The following LZIC variants were observed in gnomAD, a reference collection of about 807,000 sequenced individuals.
LZIC encodes protein LZIC.
In LZIC, 28 loss-of-function variants were observed where a neutral mutation model predicts 25.4. That is an observed-to-expected ratio of 1.10 (90% CI 0.82 to 1.51). LZIC has a LOEUF of 1.51. Ranked by LOEUF, LZIC falls within the 40% of genes most tolerant of loss-of-function variation. The pLI is 0.00. For missense variants in LZIC, 170 were observed against 211.1 expected (o/e 0.81, Z 1.21); for synonymous variants, 65 against 70.7 (o/e 0.92, Z 0.40).
At chr1:9,942,501 A>G in intron 2 of LZIC, 123 bp downstream of exon 2, 1 of 334,786 alleles carries the variant, frequency 3.0e-6, no homozygotes, top group South Asian at 2.6e-5. Flanking sequence ...TTTATCCCCG[A>G]AAGATTAACT....
chr1:9,927,503 T>C lies in LZIC; in HGVS notation c.*2896A>G, dbSNP rs910223421. The stretch of plus-strand genomic sequence containing the variant: ...TTTTTTTAGAGACAGGGTTTCACCA[T>C]GTTGGCCAGGCTGGTCTCAAATCCT... On this transcript the variant is annotated 3_prime_UTR_variant, in exon 8 of 8. Coordinates refer to ENST00000377223, the MANE Select transcript of LZIC (RefSeq NM_032368.5). Among the ~76,000 whole-genome samples, 3 of 150,914 alleles carry C rather than the reference T, an allele frequency of 2.0e-5. No individual in the cohort carries two copies. The highest frequency in any genetic ancestry group is 7.3e-5 in the African/African-American group (3 of 40,978).
rs543674424 is a variant in LZIC, at chr1:9,926,330, A to AT, written c.*4068dup. On this transcript the variant is annotated 3_prime_UTR_variant, in exon 8 of 8. Transcript: ENST00000377223. ...GCTCTAGGCAAAATGGTCTGGGTTT[A>AT]TTTTTTTCTATAGTAATTTCAGATT... Among the ~76,000 whole-genome samples, 25 of 152,256 alleles carry AT rather than the reference A, an allele frequency of 1.6e-4. No individual in the cohort carries two copies. The East Asian group carries it at 4.2e-3, about 26-fold the overall frequency.
At chr1:9,940,085 C>G (rs562907057) in intron 2 of LZIC, among the ~76,000 whole-genome samples, 1 of 151,950 alleles carries the variant, frequency 6.6e-6, no homozygotes. Flanking sequence ...TGACACTGCA[C>G]TCCAGCCTGG....
rs1640089493 is a variant in LZIC at position 9,928,637 on chromosome 1, G to A, written c.*1762C>T. Among the ~76,000 whole-genome samples the A allele has an allele frequency of 6.6e-6, 1 of 152,076 alleles. No individual in the cohort carries two copies. Among genetic ancestry groups the A allele is most frequent in the Non-Finnish European group, 1.5e-5 (1 of 68,030 alleles). ...CACACCTATAATCCCAGCACTTTGG[G>A]AGGCCGAGGCAGTTGGATCACCTGA... On this transcript the variant is annotated 3_prime_UTR_variant, in exon 8 of 8. Transcript: ENST00000377223.
chr1:9,929,828 A>G lies in LZIC; in HGVS notation c.*571T>C. On this transcript the variant is annotated 3_prime_UTR_variant, in exon 8 of 8. Transcript: ENST00000377223. ...GGTACAGAAATAAAATTCAAAAGAT[A>G]CTAAACTGGGAGTCAGGACACCTGA... is the stretch of plus-strand genomic sequence containing the variant. The G allele has an allele frequency of 4.1e-6, 4 of 983,796 alleles. No homozygotes were observed. The highest frequency in any genetic ancestry group is 4.8e-6 in the Non-Finnish European group (4 of 828,472). 60.9% of individuals were successfully genotyped at this position (983,796 alleles called of 1,614,324 possible).
At position 9,929,711 on chromosome 1, in the gene LZIC, T is replaced by C; in HGVS notation, c.*688A>G. The C allele has an allele frequency of 1.0e-6, 1 of 985,472 alleles. No individual in the cohort carries two copies. Among genetic ancestry groups the C allele is most frequent in the African/African-American group, 1.7e-5 (1 of 57,366 alleles). The allele number at this position is 985,472 out of a possible 1,614,324, so 61.0% of individuals were successfully genotyped here. ...TACAGACAGCTTACAGGCTGGGGGA[T>C]GGTCCCTTAGTGTGCAGTCCACTTT... On this transcript the variant is annotated 3_prime_UTR_variant, in exon 8 of 8. Coordinates refer to ENST00000377223, the MANE Select transcript of LZIC (RefSeq NM_032368.5).
intron 2 of LZIC, among the ~76,000 whole-genome samples, chr1:9,940,366 A>G (rs1640659966): frequency 6.6e-6 from 1 of 152,040 alleles, no homozygotes; most frequent in Non-Finnish European, 1.5e-5. Context: ...TTTTTAGTAG[A>G]GACGGGGTTT....
At chr1:9,925,963 G>A (rs1437950669), downstream of LZIC, among the ~76,000 whole-genome samples, 7 of 132,420 alleles carry the variant, frequency 5.3e-5, no homozygotes, top group East Asian at 8.8e-4. Flanking sequence ...GTGCAATCTC[G>A]GCTCACTGCA....
Position 9,928,600 on chromosome 1 carries a change from G to A in LZIC, c.*1799C>T, listed in dbSNP as rs180893841. ...AAACTTGAAAATATGATGATGTCCC[G>A]GTGTGGTAGCTCACACCTATAATCC... On this transcript the variant is annotated 3_prime_UTR_variant, in exon 8 of 8. Coordinates refer to ENST00000377223, the MANE Select transcript of LZIC (RefSeq NM_032368.5). Among the ~76,000 whole-genome samples, 79 of 152,174 alleles carry A rather than the reference G, an allele frequency of 5.2e-4. No individual in the cohort carries two copies. The South Asian group carries it at 0.01, about 20-fold the overall frequency.
intron 6 of LZIC, 143 bp from the exon 7 acceptor site, chr1:9,932,115 G>C (rs766140547): frequency 0.022 from 8,583 of 398,512 alleles, 1,342 homozygotes; most frequent in Non-Finnish European, 0.029. Flanking sequence ...GGGGGGGGGG[G>C]GGTGGATCAC....
intron 4 of LZIC, 86 bp downstream of exon 4, chr1:9,935,406 C>T (rs950454889): frequency 3.2e-5 from 46 of 1,417,172 alleles, no homozygotes; most frequent in African/African-American, 2.9e-4. Flanking sequence ...CCAGCCTGGG[C>T]GACAGAGTAA....
chr1:9,924,478 C>T (rs762204050), downstream of LZIC, among the ~76,000 whole-genome samples: 3 of 152,060 alleles, frequency 2.0e-5, no homozygotes, highest in Non-Finnish European at 2.9e-5. Context: ...CCTCAGCCTC[C>T]CAAATAGCTG....
At chr1:9,938,546 T>C (rs1308457629) in intron 2 of LZIC, among the ~76,000 whole-genome samples, 2 of 152,192 alleles carry the variant, frequency 1.3e-5, no homozygotes, top group Non-Finnish European at 2.9e-5. Context: ...ATTTATAACA[T>C]GGATACAAAG....
At chr1:9,942,571 G>A (rs1169953914) in intron 2 of LZIC, 53 bp downstream of exon 2, 17 of 954,756 alleles carry the variant, frequency 1.8e-5, no homozygotes, top group Non-Finnish European at 2.4e-5. Context: ...CGAAACTACA[G>A]AAACCGCTCT....
intron 2 of LZIC, among the ~76,000 whole-genome samples, chr1:9,941,338 G>C (rs544379527): frequency 6.6e-6 from 1 of 151,822 alleles, no homozygotes; most frequent in South Asian, 2.1e-4. Flanking sequence ...GGGAATGTAG[G>C]TGCCCGCCAC....
chr1:9,940,216 G>A (rs1472793657), intron 2 of LZIC, among the ~76,000 whole-genome samples: 8 of 151,062 alleles, frequency 5.3e-5, no homozygotes, highest in African/African-American at 1.5e-4. Flanking sequence ...TTGCTCTGTC[G>A]CCCAGGCTGG....
In LZIC at chr1:9,932,715, A is replaced by C; in HGVS notation, c.432+88T>G. On this transcript the variant is annotated intron_variant, in intron 6 of 7. Coordinates refer to ENST00000377223, the MANE Select transcript of LZIC (RefSeq NM_032368.5). ...AAAAAAAAAAAAAAAAGAATGTCTT[A>C]GTACCACAAACTAGACCACAGATCA... 5.1e-6 allele frequency: 3 copies of C among 583,156 alleles called. No homozygotes were observed. In the South Asian group the frequency reaches 6.1e-5, roughly 12 times the overall value. 36.1% of individuals were successfully genotyped at this position (583,156 alleles called of 1,614,324 possible). A position where few individuals can be genotyped will look rare whatever the true frequency, so the allele number is the denominator to read the frequency against.
intron 2 of LZIC, among the ~76,000 whole-genome samples, chr1:9,939,153 C>T (rs1296644603): frequency 1.3e-5 from 2 of 152,110 alleles, no homozygotes; most frequent in Admixed American, 1.3e-4. Context: ...TTTCGGCTCA[C>T]TGCAACCTCC....
Position 9,927,468 on chromosome 1 carries a change from A to ATTT in LZIC, c.*2928_*2930dup, listed in dbSNP as rs781547373. Among the ~76,000 whole-genome samples, 2 of 140,460 alleles carry ATTT rather than the reference A, an allele frequency of 1.4e-5. No homozygotes were observed. The highest frequency in any genetic ancestry group is 3.1e-5 in the Non-Finnish European group (2 of 64,066). 92.1% of individuals were successfully genotyped at this position (140,460 alleles called of 152,430 possible). On this transcript the variant is annotated 3_prime_UTR_variant, in exon 8 of 8. Transcript: ENST00000377223. The stretch of plus-strand genomic sequence containing the variant: ...AAGTGCATGCCATCACGCCTGGCTA[A>ATTT]TTTTTTTTTTTTTTTTAGAGACAGG...
Sources: allele counts gnomAD v4.1 joint callset (sites outside exome capture counted in the v4.1 genomes callset), GRCh38; gene constraint gnomAD v4.1.1; transcripts MANE v1.5; gene names NCBI Gene and HGNC (gene_info 2026-07-23, HGNC 2026-07-21).